PSMG2: variants seen among roughly 807,000 people sequenced by gnomAD.
The protein encoded by PSMG2 is proteasome assembly chaperone 2, also known as CD40 ligand-activated specific transcript 3.
Under a neutral mutation model 31.5 loss-of-function variants are expected in PSMG2, and 21 were observed. That is an observed-to-expected ratio of 0.67 (90% confidence interval 0.47 to 0.96). PSMG2 has a LOEUF of 0.96. PSMG2 is among the 40% of genes least tolerant of loss of function. The probability of loss-of-function intolerance (pLI) is 0.00; values close to 1 mark genes in which losing one functional copy is unlikely to be tolerated. For synonymous variants in PSMG2, 120 were observed against 110.4 expected (o/e 1.09, Z -0.54); for missense variants, 318 against 321.2 (o/e 0.99, Z 0.08).
At position 12,662,582 on chromosome 18, in the gene PSMG2, C is replaced by G. The variant is rs570420304; in HGVS notation, c.-37+3809C>G. 2.3e-3 allele frequency among the ~76,000 whole-genome samples: 351 copies of G among 152,238 alleles called. 3 individuals are homozygous for G. The highest frequency in any genetic ancestry group is 0.014 in the South Asian group (69 of 4,820). On this transcript the variant is annotated intron_variant, in intron 1 of 6. Coordinates refer to the PSMG2 transcript ENST00000585331. ...TTTGAGCTCACAAGTTTGAGACCAG[C>G]CTGGGCAATGTGATGAAAATCCATC... is the stretch of plus-strand genomic sequence containing the variant.
At chr18:12,706,876 G>A (rs537828818) in intron 2 of PSMG2, among the ~76,000 whole-genome samples, 155 bp downstream of exon 2, 2 of 152,200 alleles carry the variant, frequency 1.3e-5, no homozygotes, top group South Asian at 4.1e-4. Flanking sequence ...ATTCTTTTAT[G>A]TCCTGGTTTT....
chr18:12,699,928 TCAAAA>T, upstream of PSMG2: 3 of 1,450,716 alleles, frequency 2.1e-6, no homozygotes, highest in Non-Finnish European at 9.4e-7. Context: ...GAAAAAAAAA[TCAAAA>T]CAAATTAGAA....
At chr18:12,703,748 A>G (rs1223717374) in intron 1 of PSMG2, among the ~76,000 whole-genome samples, 4 of 152,206 alleles carry the variant, frequency 2.6e-5, no homozygotes, top group African/African-American at 9.6e-5. Context: ...GGGTATAGAA[A>G]GGTCCTGAGA....
chr18:12,688,183 A>T (rs2039614565), intron 1 of PSMG2, among the ~76,000 whole-genome samples: 1 of 147,596 alleles, frequency 6.8e-6, no homozygotes, highest in Admixed American at 7.0e-5. Flanking sequence ...GTGAGCCGAG[A>T]TCGTGCCACT....
chr18:12,703,902 A>G (rs975918377), intron 1 of PSMG2, among the ~76,000 whole-genome samples: 3 of 152,214 alleles, frequency 2.0e-5, no homozygotes, highest in Non-Finnish European at 2.9e-5. Flanking sequence ...GTCAGTAAGC[A>G]GGGGGACTTG....
intron 3 of PSMG2, among the ~76,000 whole-genome samples, chr18:12,717,373 T>G (rs2040386967): frequency 6.6e-6 from 1 of 152,186 alleles, no homozygotes; most frequent in Admixed American, 6.5e-5. Flanking sequence ...TTTGAAAAAT[T>G]TTCATAAAGC....
chr18:12,724,003 G>A (rs1183643741), intron 5 of PSMG2: 2 of 152,294 alleles, frequency 1.3e-5, no homozygotes, highest in Non-Finnish European at 2.9e-5. Context: ...ATTATTACAG[G>A]GATTGTCATA....
At chr18:12,665,984 C>T (rs971177518) in intron 1 of PSMG2, among the ~76,000 whole-genome samples, 91 of 152,200 alleles carry the variant, frequency 6.0e-4, no homozygotes, top group African/African-American at 2.0e-3. Flanking sequence ...CGTGAGCCAC[C>T]GTGCCCGGCC....
At chr18:12,702,684 G>A, upstream of PSMG2, 1 of 957,432 alleles carries the variant, frequency 1.0e-6, no homozygotes, top group Non-Finnish European at 1.5e-6. Context: ...AGCTCCCGGG[G>A]GACGCAACGC....
At chr18:12,722,440 A>G (rs1191108162) in intron 5 of PSMG2, among the ~76,000 whole-genome samples, 3 of 152,164 alleles carry the variant, frequency 2.0e-5, no homozygotes, top group African/African-American at 7.2e-5. Context: ...CTGGAAATAC[A>G]GGGCAGAGAA....
chr18:12,712,856 C>T (rs566739687), intron 3 of PSMG2, 96 bp downstream of exon 3: 4 of 902,152 alleles, frequency 4.4e-6, no homozygotes, highest in South Asian at 3.1e-5. Context: ...ACTGTTTTTA[C>T]CATATGTACA....
intron 1 of PSMG2, chr18:12,684,945 G>A (rs1338851054): frequency 6.6e-6 from 1 of 151,632 alleles, no homozygotes; most frequent in Non-Finnish European, 1.5e-5. Context: ...AAACTAAATA[G>A]CATGCAATTC....
rs757695941 is a variant in PSMG2, at chr18:12,703,067, C to G, written c.-41C>G. 6.9e-6 allele frequency: 11 copies of G among 1,601,856 alleles called. No homozygotes were observed. The highest frequency in any genetic ancestry group is 9.4e-6 in the Non-Finnish European group (11 of 1,174,346). On this transcript the variant is annotated 5_prime_UTR_variant, in exon 1 of 7. Coordinates refer to ENST00000317615, the MANE Select transcript of PSMG2 (RefSeq NM_020232.5). ...GCCTTCTTGCTGCCCTCGTTCTTGCCAGGGCCGCGGTTAGTCCCTGCTGGC... is the reference window on the plus strand; with the variant it reads ...GCCTTCTTGCTGCCCTCGTTCTTGCGAGGGCCGCGGTTAGTCCCTGCTGGC...
upstream of PSMG2, chr18:12,701,241 A>G: frequency 1.5e-6 from 1 of 645,556 alleles, no homozygotes; most frequent in Non-Finnish European, 2.6e-6. Flanking sequence ...GAACAAAGGT[A>G]AGCTTTTAAA....
chr18:12,717,468 C>T (rs1347278122), intron 3 of PSMG2, among the ~76,000 whole-genome samples: 1 of 152,214 alleles, frequency 6.6e-6, no homozygotes, highest in Non-Finnish European at 1.5e-5. Context: ...TCTCGCTATG[C>T]GCGTACACAG....
chr18:12,681,571 T>C (rs1388926970), intron 1 of PSMG2, among the ~76,000 whole-genome samples: 4 of 152,048 alleles, frequency 2.6e-5, no homozygotes, highest in Non-Finnish European at 5.9e-5. Flanking sequence ...AATAGATTAA[T>C]AGCTGAAGTA....
At chr18:12,705,806 G>A (rs745375997) in intron 1 of PSMG2, among the ~76,000 whole-genome samples, 9 of 151,952 alleles carry the variant, frequency 5.9e-5, no homozygotes, top group African/African-American at 1.9e-4. Context: ...TGTCACCTAG[G>A]GTGAGTCTTT....
At chr18:12,716,062 T>G (rs1598684714) in intron 3 of PSMG2, among the ~76,000 whole-genome samples, 1 of 152,240 alleles carries the variant, frequency 6.6e-6, no homozygotes, top group African/African-American at 2.4e-5. Flanking sequence ...CCCATGTTGT[T>G]GGAAGTAGCC....
At chr18:12,662,923 T>G (rs1230815406) in intron 1 of PSMG2, among the ~76,000 whole-genome samples, 1 of 152,208 alleles carries the variant, frequency 6.6e-6, no homozygotes, top group Non-Finnish European at 1.5e-5. Context: ...GTGATTCTCC[T>G]TTAAGATAAT....
Sources: gnomAD v4.1 joint callset for allele counts (sites outside exome capture counted in the v4.1 genomes callset) on GRCh38, gnomAD v4.1.1 for gene constraint, MANE v1.5 for transcripts, NCBI Gene and HGNC (gene_info 2026-07-23, HGNC 2026-07-21) for gene names.